MGAM: variants seen among roughly 807,000 people sequenced by gnomAD.
The protein encoded by MGAM is maltase-glucoamylase.
MGAM carries 253 observed loss-of-function variants against 358.8 expected under a neutral mutation model. The ratio of observed to expected loss-of-function variants is 0.71; its 90% confidence interval spans 0.64 to 0.78. The LOEUF (loss-of-function observed/expected upper bound fraction) is 0.78. Ranked by LOEUF, MGAM falls within the 30% of genes least tolerant of loss-of-function variation. The pLI is 0.00. For missense variants in MGAM, 3,080 were observed against 3,432.6 expected, an observed-to-expected ratio of 0.90 and a Z score of 2.57; for synonymous variants, 1,105 against 1,227.1, an observed-to-expected ratio of 0.90 and a Z score of 2.08.
At chr7:142,036,779 A>C (rs782579826) in intron 17 of MGAM, 44 bp from the exon 18 acceptor site, 18 of 1,588,864 alleles carry the variant, frequency 1.1e-5, no homozygotes, top group Non-Finnish European at 1.5e-5. Context: ...TGCTTCTGCT[A>C]TCCTGCAGCC....
intron 16 of MGAM, among the ~76,000 whole-genome samples, chr7:142,035,364 A>G (rs1384615167): frequency 2.6e-5 from 4 of 152,176 alleles, no homozygotes; most frequent in Non-Finnish European, 4.4e-5. Context: ...GTTTAGTAAG[A>G]GGAGACAGAT....
intron 8 of MGAM, 58 bp downstream of exon 8, chr7:142,025,207 C>A: frequency 7.8e-7 from 1 of 1,288,362 alleles, no homozygotes; most frequent in Non-Finnish European, 1.1e-6. Context: ...CCCTTTCTTA[C>A]AGCACTATGA....
In MGAM at chr7:142,067,425, C is replaced by T. The variant is rs7778384; in HGVS notation, c.5004C>T (p.Arg1668=). The T allele has an allele frequency of 4.5e-3, 6,847 of 1,536,654 alleles. 388 individuals carry two copies. The highest frequency in any genetic ancestry group is 0.011 in the African/African-American group (776 of 73,846). Residue 1668 remains arginine, a splice_region_variant and synonymous_variant, in exon 42 of 71, where the codon CGC becomes CGT. Coordinates refer to ENST00000475668, the MANE Select transcript of MGAM (RefSeq NM_001365693.1). ...TCCTGGTCAGCCCTGTCCTGGAGCGCGTGAGTATGGAGGCCTCCGATGAGG... is the reference window on the plus strand; with the variant it reads ...TCCTGGTCAGCCCTGTCCTGGAGCGTGTGAGTATGGAGGCCTCCGATGAGG... ...PAFLVSPVLE[R]NARNVTAYFP... is the part of the protein sequence containing the mutation.
At chr7:142,043,497 A>G (rs1309795539) in intron 21 of MGAM, among the ~76,000 whole-genome samples, 2 of 88,096 alleles carry the variant, frequency 2.3e-5, no homozygotes, top group Non-Finnish European at 3.8e-5. Flanking sequence ...TATAATATAT[A>G]TATTATATAT....
chr7:142,105,039 G>A (rs1372648377), intron 70 of MGAM, among the ~76,000 whole-genome samples: 1 of 152,042 alleles, frequency 6.6e-6, no homozygotes, highest in African/African-American at 2.4e-5. Context: ...GCCCAATCCT[G>A]TTGCTGACCA....
rs146744961 is a variant in MGAM, at chr7:142,094,528, G to A, written c.7306+31G>A. The A allele has an allele frequency of 2.1e-4, 323 of 1,554,896 alleles. 36 individuals carry two copies. In the East Asian group the frequency reaches 6.6e-3, roughly 32 times the overall value. On this transcript the variant is annotated intron_variant, in intron 61 of 70. Transcript: ENST00000475668. Reference sequence around the variant, plus strand: ...TGGGTCCTTCCCAGGGCCTGTGCCGGTAGGGCAGGGAGTTGGGATCCTTGG... The same window carrying A: ...TGGGTCCTTCCCAGGGCCTGTGCCGATAGGGCAGGGAGTTGGGATCCTTGG...
chr7:142,015,643 A>G (rs1035810672), intron 3 of MGAM, among the ~76,000 whole-genome samples: 1 of 151,990 alleles, frequency 6.6e-6, no homozygotes, highest in Non-Finnish European at 1.5e-5. Flanking sequence ...TCAGTCTTGT[A>G]CATTTTTCTT....
At chr7:142,054,406 T>G (rs184122573) in intron 26 of MGAM, among the ~76,000 whole-genome samples, 1 of 151,544 alleles carries the variant, frequency 6.6e-6, no homozygotes, top group African/African-American at 2.4e-5. Flanking sequence ...GGGAGACAGG[T>G]TTTTTTTTGA....
intron 64 of MGAM, 39 bp downstream of exon 64, chr7:142,095,752 CT>C: frequency 6.2e-7 from 1 of 1,606,334 alleles, no homozygotes; most frequent in South Asian, 1.1e-5. Context: ...TAATGGATGA[CT>C]TATTGCATTC....
At chr7:142,068,286 C>T (rs1212425148) in intron 42 of MGAM, among the ~76,000 whole-genome samples, 3 of 142,170 alleles carry the variant, frequency 2.1e-5, no homozygotes, top group Admixed American at 7.2e-5. Context: ...CATGAGCCAT[C>T]GCGCCCGGCC....
Position 142,088,822 on chromosome 7 carries a change from CATCTATCTATCTATCTATCT to C in MGAM, c.6810+2135_6810+2154del, listed in dbSNP as rs71166559. 2.1e-4 allele frequency among the ~76,000 whole-genome samples: 26 copies of C among 124,744 alleles called. 3 individuals are homozygous for C. Among genetic ancestry groups the C allele is most frequent in the Non-Finnish European group, 4.7e-4 (26 of 55,744 alleles). 81.8% of individuals were successfully genotyped at this position (124,744 alleles called of 152,430 possible). ...CTATCATTCTATCCTATCTATGTAC[CATCTATCTATCTATCTATCT>C]ATCTATCTATCTATCTATCTATCTA... is the stretch of plus-strand genomic sequence containing the variant. On this transcript the variant is annotated intron_variant, in intron 57 of 70. Coordinates refer to ENST00000475668, the MANE Select transcript of MGAM (RefSeq NM_001365693.1).
chr7:142,028,801 G>C (rs1472797083), intron 10 of MGAM, among the ~76,000 whole-genome samples: 6 of 150,042 alleles, frequency 4.0e-5, no homozygotes, highest in Non-Finnish European at 7.4e-5. Flanking sequence ...AGTCAGGGCA[G>C]ATAAAGACGT....
chr7:142,022,028 GTT>G (rs1327561803), intron 6 of MGAM, among the ~76,000 whole-genome samples: 1 of 151,988 alleles, frequency 6.6e-6, no homozygotes, highest in East Asian at 1.9e-4. Context: ...TAAGTATAGT[GTT>G]CTGGTCATGT....
chr7:141,996,979 A>G (rs528773222), intron 1 of MGAM, among the ~76,000 whole-genome samples: 17 of 152,286 alleles, frequency 1.1e-4, no homozygotes, highest in African/African-American at 4.1e-4. Flanking sequence ...AAAACTTAAA[A>G]TAAAATACTT....
At chr7:142,036,325 T>C in intron 17 of MGAM, 40 bp downstream of exon 17, 1 of 1,464,812 alleles carries the variant, frequency 6.8e-7, no homozygotes, top group South Asian at 1.2e-5. Flanking sequence ...AAATTTGGCA[T>C]ACATTAGGAC....
At chr7:142,076,109 G>A (rs1813710774) in intron 45 of MGAM, 94 bp from the exon 46 acceptor site, 1 of 970,250 alleles carries the variant, frequency 1.0e-6, no homozygotes, top group Non-Finnish European at 1.6e-6. Context: ...TGCCATTTGT[G>A]ACATCAGGAT....
At chr7:142,058,075 GT>G (rs1811731668) in intron 30 of MGAM, 127 bp from the exon 31 acceptor site, 6 of 1,449,418 alleles carry the variant, frequency 4.1e-6, no homozygotes, top group Non-Finnish European at 5.6e-6. Flanking sequence ...TATCCTGTCA[GT>G]TTTGGTCTGG....
At chr7:142,004,476 C>T (rs546809451) in intron 1 of MGAM, 18 of 152,022 alleles carry the variant, frequency 1.2e-4, no homozygotes, top group Admixed American at 4.6e-4. Flanking sequence ...CACTTATACA[C>T]GAGAGATAAA....
Position 142,065,730 on chromosome 7 carries a change from T to C in MGAM, c.4669T>C (p.Cys1557Arg). The C allele has an allele frequency of 6.4e-7, 1 of 1,566,684 alleles. No individual in the cohort carries two copies. ...FGISYTGADI[C>R]GFFQDAEYEM... ...CTTGTTTCAGACGGGAGCAGATATC[T>C]GTGGGTTCTTTCAAGACGCTGAGTA... The change falls in exon 40 of 71, where the codon TGT (cysteine) becomes CGT (arginine). Residue 1557 changes from cysteine (C) to arginine (R), a missense_variant. Coordinates refer to ENST00000475668, the MANE Select transcript of MGAM (RefSeq NM_001365693.1).
Sources: allele counts gnomAD v4.1 joint callset (sites outside exome capture counted in the v4.1 genomes callset), GRCh38; gene constraint gnomAD v4.1.1; transcripts MANE v1.5; gene names NCBI Gene and HGNC (gene_info 2026-07-23, HGNC 2026-07-21).